The following LIMS1 variants were observed in gnomAD, a reference collection of about 807,000 sequenced individuals.
The protein encoded by LIMS1 is LIM and senescent cell antigen-like-containing domain protein 1.
A neutral mutation model predicts 44.1 loss-of-function variants in LIMS1; 18 were observed. That is an observed-to-expected ratio of 0.41 (90% CI 0.28 to 0.61). LIMS1 has a LOEUF of 0.61. Among genes scored for constraint, LIMS1 ranks in the 20% least tolerant of loss-of-function variants. LIMS1 has a pLI of 0.32. For missense variants in LIMS1, 201 were observed against 422.0 expected, an observed-to-expected ratio of 0.48 and a Z score of 4.59; for synonymous variants, 93 against 149.1, an observed-to-expected ratio of 0.62 and a Z score of 2.74.
intron 1 of LIMS1, among the ~76,000 whole-genome samples, chr2:108,657,697 T>C (rs1232042775): frequency 6.6e-6 from 1 of 152,310 alleles, no homozygotes; most frequent in African/African-American, 2.4e-5. Flanking sequence ...TTGGGCCAGG[T>C]TTACTGAGCA....
At chr2:108,631,749 C>T (rs184726236) in intron 1 of LIMS1, among the ~76,000 whole-genome samples, 5 of 152,284 alleles carry the variant, frequency 3.3e-5, no homozygotes, top group Admixed American at 2.0e-4. Context: ...TGTCTGCACA[C>T]GTGCCCTTTC....
chr2:108,659,642 C>T lies in LIMS1; in HGVS notation c.70C>T (p.Arg24Cys), dbSNP rs200004487. Reference sequence around the variant, plus strand: ...CGCCCTGGCCAGCGCCACTTGCGAGCGCTGCAAGGGCGGCTTTGCGCCCGC... The same window carrying T: ...CGCCCTGGCCAGCGCCACTTGCGAGTGCTGCAAGGGCGGCTTTGCGCCCGC... Residue 24 changes from arginine to cysteine, a missense_variant, in exon 2 of 10, where the codon CGC becomes TGC. Physicochemically the swap from Arg to Cys is radical, Grantham distance 180. Transcript: ENST00000544547. The T allele has an allele frequency of 1.4e-4, 220 of 1,612,110 alleles. No individual in the cohort carries two copies. Among genetic ancestry groups the T allele is most frequent in the Admixed American group, 5.0e-5 (3 of 60,020 alleles).
At chr2:108,643,424 A>G (rs1470953077) in intron 1 of LIMS1, among the ~76,000 whole-genome samples, 1 of 152,080 alleles carries the variant, frequency 6.6e-6, no homozygotes, top group Admixed American at 6.5e-5. Flanking sequence ...TAGCCAAGGG[A>G]AGCCATTAGG....
chr2:108,671,395 A>G (rs1280823441), intron 3 of LIMS1, among the ~76,000 whole-genome samples: 1 of 152,204 alleles, frequency 6.6e-6, no homozygotes, highest in African/African-American at 2.4e-5. Context: ...TAGGACTCCT[A>G]TCGGGTGGCG....
chr2:108,626,177 A>G (rs564813056), intron 1 of LIMS1, among the ~76,000 whole-genome samples: 55 of 152,176 alleles, frequency 3.6e-4, no homozygotes, highest in Non-Finnish European at 6.5e-4. Context: ...TTTGCTGATC[A>G]CTTTTTGGCC....
At chr2:108,638,815 G>A (rs938211919) in intron 1 of LIMS1, among the ~76,000 whole-genome samples, 7 of 151,582 alleles carry the variant, frequency 4.6e-5, no homozygotes, top group Non-Finnish European at 8.8e-5. Flanking sequence ...AGGCCGAGGC[G>A]GGTGGATCAT....
intron 1 of LIMS1, among the ~76,000 whole-genome samples, chr2:108,584,304 G>A (rs964558663): frequency 1.3e-5 from 2 of 152,178 alleles, no homozygotes; most frequent in Non-Finnish European, 2.9e-5. Context: ...GCTTAGCTCT[G>A]AGAGGCCTTC....
chr2:108,657,738 CT>C (rs1358903085), intron 1 of LIMS1, among the ~76,000 whole-genome samples: 3 of 151,446 alleles, frequency 2.0e-5, no homozygotes, highest in Admixed American at 1.3e-4. Context: ...CCCTTCCTTC[CT>C]TTTTTTTGTG....
rs1427638197 is a variant in LIMS1, at chr2:108,666,046, C to CA, written c.193-4733dup. 4.7e-5 allele frequency among the ~76,000 whole-genome samples: 7 copies of CA among 150,426 alleles called. No homozygotes were observed. In the East Asian group the frequency reaches 1.4e-3, roughly 31 times the overall value. On this transcript the variant is annotated intron_variant, in intron 2 of 9. Transcript: ENST00000544547. ...AACGTGTGGGAACTTCACCACACGC[C>CA]AAGCAAGCAATCGGTTCTGCAGTGG...
Position 108,552,389 on chromosome 2 carries a change from A to C in LIMS1, c.32+17795A>C, listed in dbSNP as rs1192955722. On this transcript the variant is annotated intron_variant, in intron 1 of 9. Coordinates refer to ENST00000544547, the Ensembl canonical transcript of LIMS1. ...ATACGTATAGTATATATATGAAACTATATATACTATATATACTTAACTATA... is the reference window on the plus strand; with the variant it reads ...ATACGTATAGTATATATATGAAACTCTATATACTATATATACTTAACTATA... Among the ~76,000 whole-genome samples, 4 of 144,540 alleles carry C rather than the reference A, an allele frequency of 2.8e-5. No individual in the cohort carries two copies. In the Admixed American group the frequency reaches 2.8e-4, roughly 10 times the overall value. 94.8% of individuals were successfully genotyped at this position (144,540 alleles called of 152,430 possible). A position where few individuals can be genotyped will look rare whatever the true frequency, so the allele number is the denominator to read the frequency against.
At chr2:108,624,680 C>T (rs576916783) in intron 1 of LIMS1, among the ~76,000 whole-genome samples, 1 of 152,274 alleles carries the variant, frequency 6.6e-6, no homozygotes, top group South Asian at 2.1e-4. Flanking sequence ...TCGTTTGAAC[C>T]CAGGAGACAG....
At chr2:108,642,563 G>T (rs1440655703) in intron 1 of LIMS1, among the ~76,000 whole-genome samples, 1 of 151,850 alleles carries the variant, frequency 6.6e-6, no homozygotes, top group Non-Finnish European at 1.5e-5. Flanking sequence ...GTTTCACCGT[G>T]TTAGCCAGGA....
intron 1 of LIMS1, among the ~76,000 whole-genome samples, chr2:108,593,757 C>A (rs1373673138): frequency 6.6e-6 from 1 of 152,194 alleles, no homozygotes; most frequent in Non-Finnish European, 1.5e-5. Context: ...ATAAACCAGC[C>A]AGAAATAACA....
chr2:108,536,335 G>A (rs1268956864), intron 1 of LIMS1, among the ~76,000 whole-genome samples: 2 of 152,132 alleles, frequency 1.3e-5, no homozygotes, highest in African/African-American at 4.8e-5. Context: ...CCCTCCTCCC[G>A]CCAGTCCCTG....
At chr2:108,577,129 A>G (rs962186270) in intron 1 of LIMS1, among the ~76,000 whole-genome samples, 3 of 152,202 alleles carry the variant, frequency 2.0e-5, no homozygotes, top group Non-Finnish European at 4.4e-5. Context: ...TCTCCCTTGA[A>G]CTATAAGCTC....
chr2:108,565,738 TCA>T (rs1010514592), intron 1 of LIMS1, among the ~76,000 whole-genome samples: 4 of 152,164 alleles, frequency 2.6e-5, no homozygotes, highest in Non-Finnish European at 5.9e-5. Flanking sequence ...AACTTACATT[TCA>T]CAGTTTTCGA....
At chr2:108,649,700 T>C (rs1690326751) in intron 1 of LIMS1, among the ~76,000 whole-genome samples, 1 of 152,216 alleles carries the variant, frequency 6.6e-6, no homozygotes, top group South Asian at 2.1e-4. Flanking sequence ...GAAACCATCA[T>C]TCTCAGCAAA....
At chr2:108,666,245 C>CTG (rs1469051229) in intron 2 of LIMS1, among the ~76,000 whole-genome samples, 1 of 152,142 alleles carries the variant, frequency 6.6e-6, no homozygotes, top group Non-Finnish European at 1.5e-5. Context: ...GCTTCCTCTT[C>CTG]TGGTTCTATT....
chr2:108,536,657 T>C (rs1684152745), intron 1 of LIMS1, among the ~76,000 whole-genome samples: 1 of 152,192 alleles, frequency 6.6e-6, no homozygotes, highest in Non-Finnish European at 1.5e-5. Context: ...CATGACTTAC[T>C]GCACCCTAGA....
Sources: gnomAD v4.1 joint callset for allele counts (sites outside exome capture counted in the v4.1 genomes callset) on GRCh38, gnomAD v4.1.1 for gene constraint, MANE v1.5 for transcripts, NCBI Gene and HGNC (gene_info 2026-07-23, HGNC 2026-07-21) for gene names.